The following DNAH7 variants were observed in gnomAD, a reference collection of about 807,000 sequenced individuals.
The protein encoded by DNAH7 is axonemal beta dynein heavy chain 7.
DNAH7 carries 397 observed loss-of-function variants against 444.6 expected under a neutral mutation model. The observed-to-expected ratio is 0.89, with a 90% CI of 0.82 to 0.97. DNAH7 has a LOEUF of 0.97. Among genes scored for constraint, DNAH7 ranks in the 50% least tolerant of loss-of-function variants. The pLI is 0.00. For missense variants in DNAH7, 4,902 were observed against 4,800.8 expected (o/e 1.02, Z -0.62); for synonymous variants, 1,636 against 1,624.4 (o/e 1.01, Z -0.17).
chr2:195,964,822 G>A (rs1691360988), intron 17 of DNAH7, among the ~76,000 whole-genome samples: 1 of 151,226 alleles, frequency 6.6e-6, no homozygotes, highest in African/African-American at 2.4e-5. Flanking sequence ...GTTGCAGTGA[G>A]CCGAGGTCAC....
At chr2:195,944,621 A>G (rs1689678874) in intron 19 of DNAH7, among the ~76,000 whole-genome samples, 1 of 152,164 alleles carries the variant, frequency 6.6e-6, no homozygotes, top group South Asian at 2.1e-4. Flanking sequence ...ATGCTTTGCA[A>G]TAAGTAAACT....
intron 9 of DNAH7, 30 bp downstream of exon 9, chr2:196,019,139 TA>T: frequency 7.2e-7 from 1 of 1,392,836 alleles, no homozygotes; most frequent in Non-Finnish European, 9.4e-7. Flanking sequence ...CTCTATATTT[TA>T]AAAACCTCTA....
rs78450798 is a variant in DNAH7, at chr2:196,016,624, T to G, written c.869+2546A>C. ...GAAGTATGTAGAAGGTCAGAATATG[T>G]GTTAGAAACCCTGTATAATCTCATT... On this transcript the variant is annotated intron_variant, in intron 9 of 64. Transcript: ENST00000312428. Among the ~76,000 whole-genome samples, 9 of 152,348 alleles carry G rather than the reference T, an allele frequency of 5.9e-5. No homozygotes were observed. In the East Asian group the frequency reaches 1.7e-3, roughly 29 times the overall value.
Position 195,934,806 on chromosome 2 carries a change from T to C in DNAH7, c.3273-17A>G, listed in dbSNP as rs569486446. 28 of 1,613,262 alleles carry C rather than the reference T, an allele frequency of 1.7e-5. 1 individual carries two copies. The South Asian group carries it at 2.6e-4, about 15-fold the overall frequency. ...GGTTGCACCCTGTCAGGAAAAACAT[T>C]TTTAAGATAATTAACCAAGTTAAAA... On this transcript the variant is annotated splice_polypyrimidine_tract_variant and intron_variant, in intron 20 of 64. Coordinates refer to ENST00000312428, the MANE Select transcript of DNAH7 (RefSeq NM_018897.3).
intron 36 of DNAH7, among the ~76,000 whole-genome samples, chr2:195,878,598 T>C (rs1213909595): frequency 6.6e-6 from 1 of 152,086 alleles, no homozygotes; most frequent in Non-Finnish European, 1.5e-5. Flanking sequence ...AGACCCTGTC[T>C]CTCAAAAATA....
In DNAH7 at chr2:195,997,914, A is replaced by G. The variant is rs557618425; in HGVS notation, c.1353+2790T>C. The stretch of plus-strand genomic sequence containing the variant: ...ATCTGTATCTCTGGGGCAAGGGACA[A>G]TGGTGAGTGGTGATGGTGATCCCTG... On this transcript the variant is annotated intron_variant, in intron 12 of 64. Coordinates refer to ENST00000312428, the MANE Select transcript of DNAH7 (RefSeq NM_018897.3). Among the ~76,000 whole-genome samples, 26 of 152,276 alleles carry G rather than the reference A, an allele frequency of 1.7e-4. No homozygotes were observed. The South Asian group carries it at 5.4e-3, about 32-fold the overall frequency.
intron 12 of DNAH7, among the ~76,000 whole-genome samples, chr2:195,992,417 T>A (rs1693404705): frequency 6.6e-6 from 1 of 152,074 alleles, no homozygotes; most frequent in Non-Finnish European, 1.5e-5. Context: ...ACACAAAGAG[T>A]TTAAAGCACT....
At chr2:195,836,326 G>C (rs914683265) in intron 47 of DNAH7, among the ~76,000 whole-genome samples, 1 of 152,110 alleles carries the variant, frequency 6.6e-6, no homozygotes, top group African/African-American at 2.4e-5. Context: ...AGACCAGCAT[G>C]GATAGCATAG....
intron 61 of DNAH7, among the ~76,000 whole-genome samples, chr2:195,763,486 T>C (rs1694439876): frequency 6.6e-6 from 1 of 151,228 alleles, no homozygotes; most frequent in Non-Finnish European, 1.5e-5. Context: ...TCAGCCAAAC[T>C]AAGAAAATAA....
chr2:195,978,607 T>A (rs750623833), intron 15 of DNAH7, among the ~76,000 whole-genome samples: 2 of 151,992 alleles, frequency 1.3e-5, no homozygotes, highest in Non-Finnish European at 1.5e-5. Context: ...TGGACTAAAC[T>A]CTCCAATCAA....
Position 195,910,039 on chromosome 2 carries a change from T to C in DNAH7, c.4092A>G (p.Gly1364=), listed in dbSNP as rs763884680. Residue 1364 remains glycine (G), a synonymous_variant, in exon 25 of 65, where the codon GGA becomes GGG. Coordinates refer to ENST00000312428, the MANE Select transcript of DNAH7 (RefSeq NM_018897.3). ...CSDGLDYLAL[G]KFFKGLLSCG... ...AGTTAATTCAAACCTTAAAGAATTT[T>C]CCCAAAGCCAAATAATCCAACCCAT... 15 of 1,612,082 alleles carry C rather than the reference T, an allele frequency of 9.3e-6. No individual in the cohort carries two copies. The highest frequency in any genetic ancestry group is 3.3e-5 in the South Asian group (3 of 90,662).
At chr2:195,800,804 A>G (rs1244799368) in intron 54 of DNAH7, among the ~76,000 whole-genome samples, 1 of 152,204 alleles carries the variant, frequency 6.6e-6, no homozygotes, top group Non-Finnish European at 1.5e-5. Flanking sequence ...TTTACTCATT[A>G]AAAAAGCCTC....
intron 21 of DNAH7, among the ~76,000 whole-genome samples, chr2:195,926,797 T>A (rs1574791862): frequency 6.6e-6 from 1 of 152,158 alleles, no homozygotes; most frequent in African/African-American, 2.4e-5. Flanking sequence ...TGATGTACTA[T>A]CAATTTGTGT....
At position 195,796,583 on chromosome 2, in the gene DNAH7, A is replaced by C; in HGVS notation, c.10508T>G (p.Val3503Gly). Residue 3503 changes from valine to glycine, a missense_variant, in exon 56 of 65, where the codon GTC becomes GGC. Val to Gly is a moderately radical substitution (Grantham distance 109, BLOSUM62 -3). Transcript: ENST00000312428. ...ATAAACTTGCATTTTTACCTCACAGACTTTCTCAAGGGTTGGCATCCAAGA... is the reference window on the plus strand; with the variant it reads ...ATAAACTTGCATTTTTACCTCACAGCCTTTCTCAAGGGTTGGCATCCAAGA... ...ATSWMPTLEK[V>G]CEELSPESTH... is the part of the protein sequence containing the mutation. 6.2e-7 allele frequency: 1 copy of C among 1,614,082 alleles called. No individual in the cohort carries two copies. The highest frequency in any genetic ancestry group is 8.5e-7 in the Non-Finnish European group (1 of 1,179,966).
intron 17 of DNAH7, among the ~76,000 whole-genome samples, chr2:195,962,269 C>G (rs985690599): frequency 6.6e-6 from 1 of 152,170 alleles, no homozygotes; most frequent in African/African-American, 2.4e-5. Flanking sequence ...TAGCGGTATA[C>G]AATGCCTATC....
At chr2:195,740,622 T>A (rs1355918211) in intron 64 of DNAH7, 144 bp downstream of exon 64, 2 of 41,168 alleles carry the variant, frequency 4.9e-5, no homozygotes, top group African/African-American at 3.0e-4. Flanking sequence ...TGTGTATATA[T>A]ATATATATAT....
intron 48 of DNAH7, among the ~76,000 whole-genome samples, chr2:195,832,122 T>G (rs1355345466): frequency 6.6e-6 from 1 of 152,230 alleles, no homozygotes; most frequent in Admixed American, 6.5e-5. Context: ...TATGTTCTAT[T>G]CCTTCCTATT....
rs142287726 is a variant in DNAH7, at chr2:196,041,595, T to C, written c.398+5757A>G. 6.3e-3 allele frequency among the ~76,000 whole-genome samples: 951 copies of C among 152,094 alleles called. 3 individuals are homozygous for C. Among genetic ancestry groups the C allele is most frequent in the Non-Finnish European group, 0.01 (691 of 67,914 alleles). On this transcript the variant is annotated intron_variant, in intron 5 of 64. Transcript: ENST00000312428. The stretch of plus-strand genomic sequence containing the variant: ...AAGACTTAAATCTAAGACCTGAAAC[T>C]ATGAAAGTACTAGAAGAAAACATTG...
chr2:195,754,925 AG>A (rs1163871920), intron 62 of DNAH7, among the ~76,000 whole-genome samples: 5 of 152,242 alleles, frequency 3.3e-5, no homozygotes, highest in Non-Finnish European at 5.9e-5. Flanking sequence ...CATACTCTCA[AG>A]GTTTTAAAAA....
Sources: allele counts gnomAD v4.1 joint callset (sites outside exome capture counted in the v4.1 genomes callset), GRCh38; gene constraint gnomAD v4.1.1; transcripts MANE v1.5; gene names NCBI Gene and HGNC (gene_info 2026-07-23, HGNC 2026-07-21).